Variants in ZBTB20 observed in about 807,000 individuals in gnomAD.
The protein encoded by ZBTB20 is zinc finger and BTB domain containing 20, also known as zinc finger and BTB domain-containing protein 20.
A neutral mutation model predicts 56.9 loss-of-function variants in ZBTB20; 9 were observed. The observed-to-expected ratio is 0.16, with a 90% CI of 0.10 to 0.28. The LOEUF is 0.28. ZBTB20 is among the 10% of genes least tolerant of loss of function. ZBTB20 has a pLI of 1.00. For missense variants in ZBTB20, 655 were observed against 1,003.0 expected, an observed-to-expected ratio of 0.65 and a Z score of 4.69; for synonymous variants, 417 against 420.7, an observed-to-expected ratio of 0.99 and a Z score of 0.11.
chr3:114,785,236 G>T lies in ZBTB20; in HGVS notation c.-343+15865C>A, dbSNP rs570885731. 3.3e-5 allele frequency among the ~76,000 whole-genome samples: 5 copies of T among 152,310 alleles called. No homozygotes were observed. In the South Asian group the frequency reaches 1.0e-3, roughly 32 times the overall value. On this transcript the variant is annotated intron_variant, in intron 5 of 11. Coordinates refer to ENST00000675478, the MANE Select transcript of ZBTB20 (RefSeq NM_001348800.3). ...TAAAATCTTAAATATTTTAGGCTTT[G>T]TGGGTCAAGAGGCAAAATCAGAGAT...
At chr3:114,466,853 T>C (rs1362613137) in intron 7 of ZBTB20, among the ~76,000 whole-genome samples, 2 of 152,126 alleles carry the variant, frequency 1.3e-5, no homozygotes, top group South Asian at 2.1e-4. Context: ...AAATACCACA[T>C]AACTAAAACA....
At chr3:115,092,577 T>C (rs554116264) in intron 1 of ZBTB20, among the ~76,000 whole-genome samples, 1 of 152,256 alleles carries the variant, frequency 6.6e-6, no homozygotes, top group Non-Finnish European at 1.5e-5. Flanking sequence ...TCCAAAGGCA[T>C]AGAGTGCAGC....
At chr3:114,398,146 G>A (rs2108678441) in intron 7 of ZBTB20, among the ~76,000 whole-genome samples, 1 of 152,190 alleles carries the variant, frequency 6.6e-6, no homozygotes, top group Non-Finnish European at 1.5e-5. Flanking sequence ...TATCCTTTAT[G>A]AAATTTTCCC....
At chr3:114,898,976 C>G (rs1186059039) in intron 4 of ZBTB20, among the ~76,000 whole-genome samples, 1 of 151,764 alleles carries the variant, frequency 6.6e-6, no homozygotes, top group Non-Finnish European at 1.5e-5. Context: ...AGAACTTTAC[C>G]TATTAGTAAA....
At chr3:114,816,447 A>C (rs970775912) in intron 4 of ZBTB20, among the ~76,000 whole-genome samples, 1 of 152,204 alleles carries the variant, frequency 6.6e-6, no homozygotes, top group Non-Finnish European at 1.5e-5. Context: ...AAGATAGAAT[A>C]ACCATTCCAC....
At chr3:114,946,418 C>A (rs1238932662) in intron 3 of ZBTB20, among the ~76,000 whole-genome samples, 2 of 144,904 alleles carry the variant, frequency 1.4e-5, no homozygotes, top group Non-Finnish European at 3.0e-5. Context: ...TGATAAAAGT[C>A]AAAAATTGGG....
chr3:114,877,765 C>T (rs2076251972), intron 4 of ZBTB20, among the ~76,000 whole-genome samples: 1 of 152,092 alleles, frequency 6.6e-6, no homozygotes, highest in South Asian at 2.1e-4. Flanking sequence ...TTTTCTTTTA[C>T]ACAATACACC....
intron 6 of ZBTB20, among the ~76,000 whole-genome samples, chr3:114,558,396 G>A (rs1018105079): frequency 6.6e-6 from 1 of 151,970 alleles, no homozygotes; most frequent in African/African-American, 2.4e-5. Flanking sequence ...ATACTGGACT[G>A]TACTCACAAT....
chr3:114,954,593 T>A (rs1464779377), intron 3 of ZBTB20, among the ~76,000 whole-genome samples: 2 of 152,188 alleles, frequency 1.3e-5, no homozygotes, highest in Non-Finnish European at 2.9e-5. Flanking sequence ...TAGCATTATC[T>A]GAGAAAGTGT....
intron 5 of ZBTB20, among the ~76,000 whole-genome samples, chr3:114,726,999 A>G (rs1188561596): frequency 1.3e-5 from 2 of 151,172 alleles, no homozygotes; most frequent in Non-Finnish European, 2.9e-5. Context: ...GAGTTGGACG[A>G]CTATTTCCTA....
At chr3:114,619,530 T>G (rs1269780673) in intron 6 of ZBTB20, among the ~76,000 whole-genome samples, 1 of 152,096 alleles carries the variant, frequency 6.6e-6, no homozygotes, top group Non-Finnish European at 1.5e-5. Context: ...AGGGTCAGTT[T>G]GTAGTACATG....
intron 5 of ZBTB20, among the ~76,000 whole-genome samples, chr3:114,742,047 G>A (rs2066638496): frequency 6.6e-6 from 1 of 152,050 alleles, no homozygotes; most frequent in Non-Finnish European, 1.5e-5. Context: ...AGTGATGGCA[G>A]AAAAAAATAG....
intron 8 of ZBTB20, among the ~76,000 whole-genome samples, chr3:114,386,086 T>C (rs546231227): frequency 6.6e-6 from 1 of 152,230 alleles, no homozygotes; most frequent in East Asian, 1.9e-4. Context: ...AAGCTGAGGG[T>C]TGAGCAAGCT....
intron 7 of ZBTB20, among the ~76,000 whole-genome samples, chr3:114,459,240 C>T (rs1484100367): frequency 6.6e-6 from 1 of 152,044 alleles, no homozygotes; most frequent in African/African-American, 2.4e-5. Context: ...TATAAACTTC[C>T]TCCAAGTTAT....
At chr3:115,026,768 T>C (rs1382013052) in intron 2 of ZBTB20, among the ~76,000 whole-genome samples, 1 of 150,728 alleles carries the variant, frequency 6.6e-6, no homozygotes, top group Admixed American at 6.7e-5. Flanking sequence ...TCATCACCTG[T>C]GTATATTGAT....
chr3:114,640,459 A>G (rs1318027212), intron 6 of ZBTB20, among the ~76,000 whole-genome samples: 1 of 152,104 alleles, frequency 6.6e-6, no homozygotes, highest in East Asian at 1.9e-4. Context: ...AGTTATAGGT[A>G]ACATACAAGG....
rs572429225 is a variant in ZBTB20, at chr3:114,938,390, G to T, written c.-456+35976C>A. On this transcript the variant is annotated intron_variant, in intron 3 of 11. Coordinates refer to ENST00000675478, the MANE Select transcript of ZBTB20 (RefSeq NM_001348800.3). ...GGTATCACCTAGGTTTTCTTCTAGG[G>T]TTTTTATGGTTTTAGGTCTTACGTC... is the stretch of plus-strand genomic sequence containing the variant. Among the ~76,000 whole-genome samples, 21 of 146,244 alleles carry T rather than the reference G, an allele frequency of 1.4e-4. 2 individuals are homozygous for T. In the South Asian group the frequency reaches 4.5e-3, roughly 31 times the overall value.
At chr3:114,734,825 A>G (rs1038163804) in intron 5 of ZBTB20, among the ~76,000 whole-genome samples, 1 of 152,086 alleles carries the variant, frequency 6.6e-6, no homozygotes, top group East Asian at 1.9e-4. Context: ...GGGACTGGTA[A>G]GGTGGGAACC....
chr3:114,978,486 T>G lies in ZBTB20; in HGVS notation c.-506-4070A>C, dbSNP rs2078197299. Among the ~76,000 whole-genome samples the G allele has an allele frequency of 2.0e-5, 3 of 151,684 alleles. No homozygotes were observed. In the South Asian group the frequency reaches 6.2e-4, roughly 31 times the overall value. On this transcript the variant is annotated intron_variant, in intron 2 of 11. Transcript: ENST00000675478. ...TTATATGTAATAGGATATTAAGTGT[T>G]CATTAGACATGGCAAGTGAAAATAT...
Sources: allele counts gnomAD v4.1 joint callset (sites outside exome capture counted in the v4.1 genomes callset), GRCh38; gene constraint gnomAD v4.1.1; transcripts MANE v1.5; gene names NCBI Gene and HGNC (gene_info 2026-07-23, HGNC 2026-07-21).